The following CLVS1 variants were observed in gnomAD, a reference collection of about 807,000 sequenced individuals.
CLVS1 encodes clavesin 1.
In CLVS1, 10 loss-of-function variants were observed where a neutral mutation model predicts 33.1. That is an observed-to-expected ratio of 0.30 (90% confidence interval 0.19 to 0.51). The LOEUF is 0.51. Ranked by LOEUF, CLVS1 falls within the 20% of genes least tolerant of loss-of-function variation. The pLI is 0.97. For missense variants in CLVS1, 343 were observed against 433.4 expected (o/e 0.79, Z 1.85); for synonymous variants, 163 against 166.1 (o/e 0.98, Z 0.14).
At chr8:61,257,742 C>T (rs906069177) in intron 2 of CLVS1, among the ~76,000 whole-genome samples, 4 of 152,060 alleles carry the variant, frequency 2.6e-5, no homozygotes, top group African/African-American at 9.7e-5. Flanking sequence ...GTAGGCTGGG[C>T]TTCATTGATA....
At chr8:61,367,363 T>C (rs1813252712) in intron 2 of CLVS1, among the ~76,000 whole-genome samples, 1 of 152,180 alleles carries the variant, frequency 6.6e-6, no homozygotes, top group East Asian at 1.9e-4. Flanking sequence ...ATTCCTTCAA[T>C]ACATGGTGTC....
At chr8:61,490,695 A>G (rs1471981066) in intron 5 of CLVS1, among the ~76,000 whole-genome samples, 6 of 148,278 alleles carry the variant, frequency 4.0e-5, no homozygotes, top group South Asian at 2.1e-4. Context: ...GCTTTGGCTC[A>G]TGTCTGTAAT....
chr8:61,098,874 C>A (rs560898665), intron 1 of CLVS1, among the ~76,000 whole-genome samples: 5 of 152,092 alleles, frequency 3.3e-5, no homozygotes, highest in African/African-American at 1.2e-4. Flanking sequence ...GAACAGTTTG[C>A]CAAAAATGAA....
the CLVS1 span, among the ~76,000 whole-genome samples, chr8:61,046,457 G>A: frequency 1.4e-5 from 2 of 146,748 alleles, no homozygotes; most frequent in Non-Finnish European, 3.0e-5. Context: ...GCTTAGGATT[G>A]ACTTAGTGAT....
At chr8:61,431,153 A>G (rs1222913029) in intron 3 of CLVS1, among the ~76,000 whole-genome samples, 2 of 152,190 alleles carry the variant, frequency 1.3e-5, no homozygotes, top group Non-Finnish European at 2.9e-5. Context: ...TTACATAGAG[A>G]AGTCAGTAAG....
intron 2 of CLVS1, among the ~76,000 whole-genome samples, chr8:61,186,884 A>G (rs1166725296): frequency 1.3e-5 from 2 of 152,216 alleles, no homozygotes; most frequent in Non-Finnish European, 2.9e-5. Context: ...TGGACTGAGA[A>G]AAATTGTAGC....
At chr8:60,985,400 C>T in the CLVS1 span, among the ~76,000 whole-genome samples, 1 of 152,172 alleles carries the variant, frequency 6.6e-6, no homozygotes, top group African/African-American at 2.4e-5. Flanking sequence ...CGCCACTGGT[C>T]CTCCTCTTTG....
At chr8:61,038,635 T>C in the CLVS1 span, among the ~76,000 whole-genome samples, 2 of 152,190 alleles carry the variant, frequency 1.3e-5, no homozygotes, top group South Asian at 4.2e-4. Context: ...ACTACAAGGA[T>C]GTAAAGTGAG....
At chr8:61,280,564 G>A (rs974856049) in intron 2 of CLVS1, among the ~76,000 whole-genome samples, 2 of 152,192 alleles carry the variant, frequency 1.3e-5, no homozygotes, top group Non-Finnish European at 2.9e-5. Flanking sequence ...CATTGAAATT[G>A]AAAAGGAAAA....
At chr8:61,234,899 T>A (rs1267348427) in intron 2 of CLVS1, among the ~76,000 whole-genome samples, 1 of 152,192 alleles carries the variant, frequency 6.6e-6, no homozygotes, top group African/African-American at 2.4e-5. Flanking sequence ...ATGGCTGCTA[T>A]GGTTAGCTTC....
chr8:61,186,064 T>C (rs1807338961), intron 2 of CLVS1, among the ~76,000 whole-genome samples: 1 of 152,180 alleles, frequency 6.6e-6, no homozygotes, highest in African/African-American at 2.4e-5. Context: ...GGAGGATGCT[T>C]CCTACCTTCC....
intron 3 of CLVS1, among the ~76,000 whole-genome samples, chr8:61,384,242 C>A (rs1288135596): frequency 6.6e-6 from 1 of 152,194 alleles, no homozygotes; most frequent in African/African-American, 2.4e-5. Context: ...TTTGCCCCTG[C>A]ACCATGCTAA....
intron 2 of CLVS1, among the ~76,000 whole-genome samples, chr8:61,194,166 G>A (rs1807553355): frequency 1.3e-5 from 2 of 152,022 alleles, no homozygotes; most frequent in African/African-American, 4.8e-5. Context: ...CACCACAAAT[G>A]GATAGCATAG....
chr8:60,966,420 C>T, the CLVS1 span: 3 of 455,332 alleles, frequency 6.6e-6, no homozygotes, highest in Non-Finnish European at 1.3e-5. Flanking sequence ...GCTTTGGTCA[C>T]TGCTATGGCG....
intron 2 of CLVS1, among the ~76,000 whole-genome samples, chr8:61,169,254 G>A (rs1225830439): frequency 6.6e-6 from 1 of 152,124 alleles, no homozygotes; most frequent in Non-Finnish European, 1.5e-5. Context: ...TCAATTAAAG[G>A]AAATTGGAAG....
chr8:61,161,472 AAAG>A (rs1806749056), intron 2 of CLVS1, among the ~76,000 whole-genome samples: 1 of 152,236 alleles, frequency 6.6e-6, no homozygotes, highest in African/African-American at 2.4e-5. Flanking sequence ...CAGCCTTAAA[AAAG>A]AAGAAAATTC....
chr8:61,353,721 TAA>T (rs200606767), intron 2 of CLVS1, among the ~76,000 whole-genome samples: 3 of 116,298 alleles, frequency 2.6e-5, no homozygotes, highest in African/African-American at 9.6e-5. Context: ...GCAAGCAGAA[TAA>T]AAAAAAAAAT....
At chr8:61,376,980 A>G (rs939372237) in intron 3 of CLVS1, 1 of 514,574 alleles carries the variant, frequency 1.9e-6, no homozygotes, top group African/African-American at 1.9e-5. Flanking sequence ...ATAACTCCAA[A>G]TTACTGTTAC....
chr8:60,986,859 A>G, the CLVS1 span, among the ~76,000 whole-genome samples: 109 of 152,320 alleles, frequency 7.2e-4, no homozygotes, highest in Middle Eastern at 3.4e-3. Context: ...ATTTGAAACA[A>G]TATAGTAGTA....
Sources: allele counts gnomAD v4.1 joint callset (sites outside exome capture counted in the v4.1 genomes callset), GRCh38; gene constraint gnomAD v4.1.1; transcripts MANE v1.5; gene names NCBI Gene and HGNC (gene_info 2026-07-23, HGNC 2026-07-21).